SIPA1L3: variants seen among roughly 807,000 people sequenced by gnomAD.
SIPA1L3 encodes signal induced proliferation associated 1 like 3.
In SIPA1L3, 59 loss-of-function variants were observed where a neutral mutation model predicts 150.1. The observed-to-expected ratio is 0.39, with a 90% CI of 0.32 to 0.49. The LOEUF (loss-of-function observed/expected upper bound fraction) is 0.49, where lower values mean the gene tolerates loss of function less well. Ranked by LOEUF, SIPA1L3 falls within the 20% of genes least tolerant of loss-of-function variation. The pLI is 0.86. For missense variants in SIPA1L3, 2,211 were observed against 2,489.5 expected, an observed-to-expected ratio of 0.89 and a Z score of 2.38; for synonymous variants, 1,070 against 1,077.6, an observed-to-expected ratio of 0.99 and a Z score of 0.14.
At chr19:38,184,967 T>G (rs1163053071) in intron 16 of SIPA1L3, 1 of 152,644 alleles carries the variant, frequency 6.6e-6, no homozygotes, top group Admixed American at 6.6e-5. Flanking sequence ...CACTCTCCCC[T>G]CCTTGCTCTG....
intron 12 of SIPA1L3, among the ~76,000 whole-genome samples, chr19:38,144,322 A>G (rs1971660392): frequency 6.6e-6 from 1 of 152,258 alleles, no homozygotes; most frequent in African/African-American, 2.4e-5. Context: ...CCCATCACAT[A>G]GTACACAGTC....
At chr19:38,145,690 G>GT (rs1971688910) in intron 12 of SIPA1L3, among the ~76,000 whole-genome samples, 1 of 152,086 alleles carries the variant, frequency 6.6e-6, no homozygotes, top group African/African-American at 2.4e-5. Flanking sequence ...AAATTCACCA[G>GT]TTATACATGC....
intron 3 of SIPA1L3, among the ~76,000 whole-genome samples, chr19:38,085,115 A>G (rs1179612961): frequency 1.3e-5 from 2 of 152,162 alleles, no homozygotes; most frequent in African/African-American, 4.8e-5. Context: ...AGACTGTGTG[A>G]CAAATGAAGA....
chr19:38,196,701 A>T (rs564227482), intron 18 of SIPA1L3, among the ~76,000 whole-genome samples: 1 of 148,798 alleles, frequency 6.7e-6, no homozygotes, highest in African/African-American at 2.5e-5. Flanking sequence ...GAGTGGAGCA[A>T]GGAGGTCAAG....
rs1293495770 is a variant in SIPA1L3 at position 38,119,387 on chromosome 19, C to A, written c.2373C>A (p.Val791=). 1.2e-6 allele frequency: 2 copies of A among 1,614,094 alleles called. No homozygotes were observed. Among genetic ancestry groups the A allele is most frequent in the African/African-American group, 1.3e-5 (1 of 74,930 alleles). Residue 791 remains valine (V), a synonymous_variant, in exon 9 of 22, where the codon GTC becomes GTA. Transcript: ENST00000222345. ...PSGTTFRKSD[V]FRDFLLAKVI... ...GAACCACATTCCGCAAATCCGACGT[C>A]TTCAGAGACTTCTTGCTGGCCAAGG...
intron 3 of SIPA1L3, 85 bp from the exon 4 acceptor site, chr19:38,088,636 G>T: frequency 6.6e-7 from 1 of 1,517,180 alleles, no homozygotes; most frequent in Non-Finnish European, 8.9e-7. Context: ...ACCCTGCCTG[G>T]TCGCCCTGTC....
chr19:38,043,284 G>A (rs1341401024), intron 2 of SIPA1L3, among the ~76,000 whole-genome samples: 1 of 152,148 alleles, frequency 6.6e-6, no homozygotes, highest in Non-Finnish European at 1.5e-5. Flanking sequence ...AGGTTGCAGT[G>A]AGCTGAGATC....
At chr19:37,933,078 A>G (rs1159209440) in intron 1 of SIPA1L3, among the ~76,000 whole-genome samples, 2 of 152,122 alleles carry the variant, frequency 1.3e-5, no homozygotes, top group Admixed American at 1.3e-4. Flanking sequence ...AGCAGTGCCC[A>G]ATGAGTCATC....
chr19:37,997,272 G>C (rs977689468), intron 1 of SIPA1L3, among the ~76,000 whole-genome samples: 6 of 151,946 alleles, frequency 3.9e-5, no homozygotes, highest in Non-Finnish European at 5.9e-5. Context: ...AGTACAGTTA[G>C]AGAATGTTCT....
At chr19:38,157,453 C>T (rs529816148) in intron 13 of SIPA1L3, among the ~76,000 whole-genome samples, 27 of 152,286 alleles carry the variant, frequency 1.8e-4, no homozygotes, top group African/African-American at 5.1e-4. Context: ...AGGATATGAA[C>T]GGAGCCCTGT....
intron 9 of SIPA1L3, 63 bp from the exon 10 acceptor site, chr19:38,130,434 AG>A: frequency 6.5e-7 from 1 of 1,533,920 alleles, no homozygotes; most frequent in Non-Finnish European, 8.8e-7. Flanking sequence ...GAACGTGACC[AG>A]GGGTCTTCCA....
At chr19:37,919,111 C>G (rs966545296) in intron 1 of SIPA1L3, among the ~76,000 whole-genome samples, 3 of 152,016 alleles carry the variant, frequency 2.0e-5, no homozygotes, top group Non-Finnish European at 4.4e-5. Context: ...CAGTGGTTTC[C>G]TCTGTCAACT....
chr19:38,136,528 C>G (rs377331673), intron 10 of SIPA1L3, among the ~76,000 whole-genome samples: 1 of 151,972 alleles, frequency 6.6e-6, no homozygotes, highest in South Asian at 2.1e-4. Context: ...CACTTGAACC[C>G]GGGAGGTGGA....
intron 2 of SIPA1L3, among the ~76,000 whole-genome samples, chr19:38,066,362 G>A (rs1426774459): frequency 6.6e-6 from 1 of 152,050 alleles, no homozygotes. Context: ...CTGGAATAGA[G>A]GCACCCGGAT....
intron 8 of SIPA1L3, among the ~76,000 whole-genome samples, chr19:38,113,738 G>A (rs1970820929): frequency 1.3e-5 from 2 of 152,144 alleles, no homozygotes; most frequent in Non-Finnish European, 2.9e-5. Context: ...GGGCCCTAAA[G>A]CCATCTTTGC....
chr19:38,064,405 A>C (rs1344528141), intron 2 of SIPA1L3, among the ~76,000 whole-genome samples: 1 of 152,248 alleles, frequency 6.6e-6, no homozygotes, highest in African/African-American at 2.4e-5. Context: ...ATTATATAAG[A>C]AAAAATGAAG....
intron 2 of SIPA1L3, among the ~76,000 whole-genome samples, chr19:38,061,102 C>T (rs1014598676): frequency 6.6e-6 from 1 of 152,154 alleles, no homozygotes; most frequent in Non-Finnish European, 1.5e-5. Flanking sequence ...TGTAATATTG[C>T]ACTTCAGGGT....
At chr19:37,981,295 G>A (rs1003541406) in intron 1 of SIPA1L3, among the ~76,000 whole-genome samples, 4 of 152,004 alleles carry the variant, frequency 2.6e-5, no homozygotes, top group Middle Eastern at 3.2e-3. Context: ...GTGGTGGCAC[G>A]TGACTGTAGT....
intron 13 of SIPA1L3, 122 bp from the exon 14 acceptor site, chr19:38,162,131 C>G (rs1972102242): frequency 1.3e-6 from 1 of 744,160 alleles, no homozygotes; most frequent in Admixed American, 1.9e-5. Context: ...GTGTTGCACT[C>G]CAAGGTGTAA....
Sources: allele counts gnomAD v4.1 joint callset (sites outside exome capture counted in the v4.1 genomes callset), GRCh38; gene constraint gnomAD v4.1.1; transcripts MANE v1.5; gene names NCBI Gene and HGNC (gene_info 2026-07-23, HGNC 2026-07-21).